ERGIC2: variants seen among roughly 807,000 people sequenced by gnomAD.
ERGIC2 encodes the protein ERGIC and golgi 2, also known as endoplasmic reticulum-Golgi intermediate compartment protein 2.
ERGIC2 carries 31 observed loss-of-function variants against 52.5 expected under a neutral mutation model. That is an observed-to-expected ratio of 0.59 (90% CI 0.44 to 0.80). The LOEUF is 0.80. ERGIC2 is among the 30% of genes least tolerant of loss of function. The pLI is 0.00. For missense variants in ERGIC2, 395 were observed against 455.2 expected, an observed-to-expected ratio of 0.87 and a Z score of 1.20; for synonymous variants, 129 against 140.6, an observed-to-expected ratio of 0.92 and a Z score of 0.58.
At chr12:29,356,350 T>TAA (rs776412552) in intron 8 of ERGIC2, 32 bp downstream of exon 8, 2 of 1,272,688 alleles carry the variant, frequency 1.6e-6, no homozygotes, top group Admixed American at 3.4e-5. Flanking sequence ...CAACTTTGTC[T>TAA]AAAGTATTTT....
At chr12:29,356,304 C>A in intron 8 of ERGIC2, 78 bp downstream of exon 8, 1 of 848,842 alleles carries the variant, frequency 1.2e-6, no homozygotes, top group Non-Finnish European at 2.0e-6. Flanking sequence ...ATTACAGGCG[C>A]GAGCCATCGG....
intron 8 of ERGIC2, among the ~76,000 whole-genome samples, chr12:29,353,667 C>G (rs1295866862): frequency 7.9e-5 from 12 of 151,640 alleles, no homozygotes; most frequent in Admixed American, 7.9e-4. Flanking sequence ...TCAATGATCT[C>G]TCTCACCACC....
chr12:29,345,064 T>C (rs1454282469), intron 11 of ERGIC2, among the ~76,000 whole-genome samples: 2 of 152,150 alleles, frequency 1.3e-5, no homozygotes, highest in Admixed American at 6.5e-5. Context: ...CATTTATTAA[T>C]AAATAAGTAA....
intron 2 of ERGIC2, among the ~76,000 whole-genome samples, chr12:29,370,471 T>G (rs1860643559): frequency 1.3e-5 from 2 of 152,134 alleles, no homozygotes; most frequent in Middle Eastern, 6.8e-3. Context: ...GAAAGCATTT[T>G]ATTTCTCCAA....
chr12:29,343,564 G>A (rs1949854964), intron 11 of ERGIC2, among the ~76,000 whole-genome samples: 1 of 152,154 alleles, frequency 6.6e-6, no homozygotes, highest in Non-Finnish European at 1.5e-5. Flanking sequence ...GAGCTCAAGA[G>A]CTTACAAATA....
intron 1 of ERGIC2, among the ~76,000 whole-genome samples, chr12:29,373,146 T>G (rs1940467202): frequency 6.6e-6 from 1 of 152,170 alleles, no homozygotes; most frequent in Non-Finnish European, 1.5e-5. Flanking sequence ...GAATTTTAAT[T>G]GCCTTTACAT....
chr12:29,362,156 A>C (rs1007658898), intron 5 of ERGIC2, among the ~76,000 whole-genome samples: 1 of 152,250 alleles, frequency 6.6e-6, no homozygotes. Context: ...TGCATTGATC[A>C]ACAAAGAACT....
rs1565533405 is a variant in ERGIC2, at chr12:29,338,991, G to A, written c.*2165C>T. The A allele has an allele frequency of 1.3e-5, 2 of 152,154 alleles. No homozygotes were observed. Among genetic ancestry groups the A allele is most frequent in the African/African-American group, 4.8e-5 (2 of 41,452 alleles). 9.4% of individuals were successfully genotyped at this position (152,154 alleles called of 1,614,324 possible). ...GTAAAGTGCTCTCTGCAATAGAAAA[G>A]AATCACTTGGTGAGGCCAAAAACTC... On this transcript the variant is annotated 3_prime_UTR_variant, in exon 14 of 14. Transcript: ENST00000360150.
At position 29,340,881 on chromosome 12, in the gene ERGIC2, C is replaced by A; in HGVS notation, c.*275G>T. 2 of 483,362 alleles carry A rather than the reference C, an allele frequency of 4.1e-6. No individual in the cohort carries two copies. The highest frequency in any genetic ancestry group is 3.5e-5 in the Admixed American group (1 of 28,786). The allele number at this position is 483,362 out of a possible 1,614,324, so 29.9% of individuals were successfully genotyped here. On this transcript the variant is annotated 3_prime_UTR_variant, in exon 14 of 14. Transcript: ENST00000360150. The stretch of plus-strand genomic sequence containing the variant: ...GTCTGATTTTGATACCACCCATTTG[C>A]TATGAAAATATAAGAAGGCGTCATC...
At chr12:29,372,906 C>T (rs1407831531) in intron 1 of ERGIC2, 2 of 151,880 alleles carry the variant, frequency 1.3e-5, no homozygotes, top group Non-Finnish European at 2.9e-5. Context: ...TTCCACCCAC[C>T]TCGGCCTCTC....
chr12:29,364,432 C>A (rs1940330183), intron 5 of ERGIC2, among the ~76,000 whole-genome samples: 1 of 152,048 alleles, frequency 6.6e-6, no homozygotes, highest in Non-Finnish European at 1.5e-5. Context: ...GGGCCCAGAT[C>A]TTTCACCATA....
At position 29,338,590 on chromosome 12, in the gene ERGIC2, G is replaced by C. The variant is rs2136842003; in HGVS notation, c.*2566C>G. On this transcript the variant is annotated 3_prime_UTR_variant, in exon 14 of 14. Coordinates refer to ENST00000360150, the MANE Select transcript of ERGIC2 (RefSeq NM_016570.3). ...ACCCAGGAGTTCGAGGATGCAGTGA[G>C]TTACAATCATGCCACTGCACTTCAG... 1 of 152,146 alleles carries C rather than the reference G, an allele frequency of 6.6e-6. No homozygotes were observed. Among genetic ancestry groups the C allele is most frequent in the Non-Finnish European group, 1.5e-5 (1 of 68,108 alleles). 9.4% of individuals were successfully genotyped at this position (152,146 alleles called of 1,614,324 possible). A position where few individuals can be genotyped will look rare whatever the true frequency, so the allele number is the denominator to read the frequency against.
At chr12:29,376,788 G>A (rs1230032052) in intron 1 of ERGIC2, among the ~76,000 whole-genome samples, 1 of 152,114 alleles carries the variant, frequency 6.6e-6, no homozygotes, top group African/African-American at 2.4e-5. Flanking sequence ...AAATACCTCA[G>A]ATCATCAATG....
chr12:29,357,732 A>G lies in ERGIC2; in HGVS notation c.375-8T>C. ...TGAATCAGCTGCAGCATCCTAAATA[A>G]GAAGCAATAATTTAGAACTACAGAA... On this transcript the variant is annotated splice_region_variant and splice_polypyrimidine_tract_variant and intron_variant, in intron 6 of 13. Transcript: ENST00000360150. 6.6e-7 allele frequency: 1 copy of G among 1,521,424 alleles called. No homozygotes were observed. The highest frequency in any genetic ancestry group is 9.1e-7 in the Non-Finnish European group (1 of 1,096,852). The allele number at this position is 1,521,424 out of a possible 1,614,324, so 94.2% of individuals were successfully genotyped here. A position where few individuals can be genotyped will look rare whatever the true frequency, so the allele number is the denominator to read the frequency against.
At chr12:29,366,648 CACATCCAAAAT>C (rs1940366471) in intron 5 of ERGIC2, among the ~76,000 whole-genome samples, 1 of 151,716 alleles carries the variant, frequency 6.6e-6, no homozygotes, top group Non-Finnish European at 1.5e-5. Context: ...AGACTTTAGA[CACATCCAAAAT>C]ACATCCAAAA....
chr12:29,354,466 G>A (rs1158036320), intron 8 of ERGIC2, among the ~76,000 whole-genome samples: 2 of 152,132 alleles, frequency 1.3e-5, no homozygotes, highest in African/African-American at 2.4e-5. Flanking sequence ...GTCTTCTAGT[G>A]TATTCACGCT....
At position 29,340,038 on chromosome 12, in the gene ERGIC2, T is replaced by G. The variant is rs1188818788; in HGVS notation, c.*1118A>C. ...TTTAATCTTTTATAATGTGAAGATT[T>G]AGAACCAATCCTTAAATAGTAAGAA... On this transcript the variant is annotated 3_prime_UTR_variant, in exon 14 of 14. Coordinates refer to ENST00000360150, the MANE Select transcript of ERGIC2 (RefSeq NM_016570.3). The G allele has an allele frequency of 1.3e-5, 2 of 152,280 alleles. No homozygotes were observed. The highest frequency in any genetic ancestry group is 3.9e-4 in the East Asian group (2 of 5,194). 9.4% of individuals were successfully genotyped at this position (152,280 alleles called of 1,614,324 possible).
Position 29,349,087 on chromosome 12 carries a change from G to C in ERGIC2, c.719C>G (p.Ala240Gly), listed in dbSNP as rs1438000792. The C allele has an allele frequency of 6.7e-7, 1 of 1,503,262 alleles. No individual in the cohort carries two copies. Among genetic ancestry groups the C allele is most frequent in the Non-Finnish European group, 9.0e-7 (1 of 1,107,732 alleles). The allele number at this position is 1,503,262 out of a possible 1,614,324, so 93.1% of individuals were successfully genotyped here. The change falls in exon 10 of 14, where the codon GCT (alanine) becomes GGT (glycine). Residue 240 changes from alanine (A) to glycine (G), a missense_variant. By Grantham distance (60) the Ala-to-Gly change is moderately conservative. Transcript: ENST00000360150. Reference sequence around the variant, plus strand: ...AATTATTAAATACTTACGATCTATAGCAATTTTTTCAGTTCCATCTAAAGG... The same window carrying C: ...AATTATTAAATACTTACGATCTATACCAATTTTTTCAGTTCCATCTAAAGG... ...INPLDGTEKI[A>G]IDHNQMFQYF...
chr12:29,354,471 C>A (rs1940175147), intron 8 of ERGIC2, among the ~76,000 whole-genome samples: 1 of 152,172 alleles, frequency 6.6e-6, no homozygotes, highest in Non-Finnish European at 1.5e-5. Flanking sequence ...CTAGTGTATT[C>A]ACGCTCAAGC....
Sources: allele counts gnomAD v4.1 joint callset (sites outside exome capture counted in the v4.1 genomes callset), GRCh38; gene constraint gnomAD v4.1.1; transcripts MANE v1.5; gene names NCBI Gene and HGNC (gene_info 2026-07-23, HGNC 2026-07-21).